Variants in DDX51 observed in about 807,000 individuals in gnomAD.
DDX51 encodes DEAD-box helicase 51.
Under a neutral mutation model 74.6 loss-of-function variants are expected in DDX51, and 67 were observed. The observed-to-expected ratio is 0.90, with a 90% confidence interval of 0.74 to 1.10. The LOEUF (loss-of-function observed/expected upper bound fraction) is 1.10. Ranked by LOEUF, DDX51 falls within the 50% of genes least tolerant of loss-of-function variation. The pLI, the probability that DDX51 is intolerant of heterozygous loss-of-function variation, is 0.00. For synonymous variants in DDX51, 545 were observed against 402.9 expected, an observed-to-expected ratio of 1.35 and a Z score of -4.22; for missense variants, 1,056 against 905.2, an observed-to-expected ratio of 1.17 and a Z score of -2.14.
Position 132,140,072 on chromosome 12 carries a change from C to G in DDX51, c.1775+26G>C, listed in dbSNP as rs545772582. On this transcript the variant is annotated intron_variant, in intron 12 of 14. Transcript: ENST00000397333. ...AGGAGCTCACAAAGCCCCAGACCCC[C>G]CAGTGGCCGCTGCGCCAGCGCTCAC... The G allele has an allele frequency of 1.2e-5, 20 of 1,609,684 alleles. No individual in the cohort carries two copies. The East Asian group carries it at 3.6e-4, about 29-fold the overall frequency.
chr12:132,140,006 C>G (rs1897384241), intron 12 of DDX51, 82 bp from the exon 13 acceptor site: 1 of 1,607,086 alleles, frequency 6.2e-7, no homozygotes. Flanking sequence ...TCCACACCAA[C>G]CCCACCCCAC....
In DDX51 at chr12:132,141,630, G is replaced by C. The variant is rs757796456; in HGVS notation, c.996-24C>G. 5 of 1,549,726 alleles carry C rather than the reference G, an allele frequency of 3.2e-6. No individual in the cohort carries two copies. The African/African-American group carries it at 6.9e-5, about 21-fold the overall frequency. Reference sequence around the variant, plus strand: ...CTCTACAGACCAGAGAGCAGCTCGAGAGAAGGAAGCTTTCTCAAGGGCTTC... The same window carrying C: ...CTCTACAGACCAGAGAGCAGCTCGACAGAAGGAAGCTTTCTCAAGGGCTTC... On this transcript the variant is annotated intron_variant, in intron 6 of 14. Transcript: ENST00000397333.
At chr12:132,142,657 G>A (rs1429276063) in intron 3 of DDX51, 71 bp downstream of exon 3, 10 of 1,578,972 alleles carry the variant, frequency 6.3e-6, no homozygotes, top group African/African-American at 5.4e-5. Context: ...CCTGACCCAC[G>A]GCCACTCACA....
Position 132,140,858 on chromosome 12 carries a change from C to T in DDX51, c.1413G>A (p.Gly471=), listed in dbSNP as rs1593419663. The T allele has an allele frequency of 1.2e-6, 2 of 1,613,606 alleles. No homozygotes were observed. The highest frequency in any genetic ancestry group is 1.7e-6 in the Non-Finnish European group (2 of 1,179,984). The change falls in exon 9 of 15, where the codon GGG becomes GGA. Residue 471 remains glycine, a synonymous_variant. Coordinates refer to ENST00000397333, the MANE Select transcript of DDX51 (RefSeq NM_175066.4). Reference sequence around the variant, plus strand: ...TGAGCCCAACAGGAAAGGCATACTTCCCCGAATCCCCGTCCCCATCTGTAT... The same window carrying T: ...TGAGCCCAACAGGAAAGGCATACTTTCCCGAATCCCCGTCCCCATCTGTAT... ...LEDTDGDGDS[G]KYAFPVGLTH... is the part of the protein sequence containing the mutation.
chr12:132,139,828 C>T, intron 13 of DDX51, 33 bp downstream of exon 13: 2 of 1,612,830 alleles, frequency 1.2e-6, no homozygotes, highest in Non-Finnish European at 8.5e-7. Context: ...CACCCACCAA[C>T]AGCAGAAACT....
chr12:132,140,243 G>C, intron 11 of DDX51, 44 bp from the exon 12 acceptor site: 4 of 1,595,642 alleles, frequency 2.5e-6, no homozygotes, highest in Non-Finnish European at 3.4e-6. Flanking sequence ...GCCAGGAGCA[G>C]GGGCCGTGGC....
chr12:132,141,730 C>T (rs1038009911), intron 6 of DDX51, 120 bp downstream of exon 6: 44 of 1,457,590 alleles, frequency 3.0e-5, no homozygotes, highest in Non-Finnish European at 3.9e-5. Flanking sequence ...GGGAGCTCCT[C>T]CTCTTCACGG....
Position 132,140,869 on chromosome 12 carries a change from C to A in DDX51, c.1402G>T (p.Gly468Trp). The change falls in exon 9 of 15, where the codon GGG becomes TGG. Residue 468 changes from glycine to tryptophan, a missense_variant. Coordinates refer to ENST00000397333, the MANE Select transcript of DDX51 (RefSeq NM_175066.4). ...GGAAAGGCATACTTCCCCGAATCCC[C>A]GTCCCCATCTGTATCTTCCAGGCCC... ...HRGLEDTDGD[G>W]DSGKYAFPVG... is the part of the protein sequence containing the mutation. 1.2e-6 allele frequency: 2 copies of A among 1,613,644 alleles called. No individual in the cohort carries two copies. The highest frequency in any genetic ancestry group is 1.7e-6 in the Non-Finnish European group (2 of 1,180,004).
At position 132,143,907 on chromosome 12, in the gene DDX51, T is replaced by C. The variant is rs1897589609; in HGVS notation, c.307A>G (p.Ser103Gly). The part of the protein sequence containing the change: ...KADGEDAGAE[S>G]NEEAPGEPSA... Reference sequence around the variant, plus strand: ...GGCTCCCCTGGCGCCTCCTCGTTGCTTTCTGCGAGGCAGACACCCACCCGG... The same window carrying C: ...GGCTCCCCTGGCGCCTCCTCGTTGCCTTCTGCGAGGCAGACACCCACCCGG... Residue 103 changes from serine (S) to glycine (G), a missense_variant and splice_region_variant, in exon 2 of 15, where the codon AGC (serine) becomes GGC (glycine). Physicochemically the swap from Ser to Gly is moderately conservative, Grantham distance 56 (BLOSUM62 0). Coordinates refer to ENST00000397333, the MANE Select transcript of DDX51 (RefSeq NM_175066.4). 6.6e-7 allele frequency: 1 copy of C among 1,517,360 alleles called. No homozygotes were observed. The highest frequency in any genetic ancestry group is 8.8e-7 in the Non-Finnish European group (1 of 1,140,290). The allele number at this position is 1,517,360 out of a possible 1,614,324, so 94.0% of individuals were successfully genotyped here.
chr12:132,143,532 AGGAT>A, intron 2 of DDX51, 159 bp downstream of exon 2: 1 of 901,174 alleles, frequency 1.1e-6, no homozygotes, highest in Non-Finnish European at 1.6e-6. Flanking sequence ...CTGCACGTGC[AGGAT>A]CCAGACCCCT....
rs752401213 is a variant in DDX51 at position 132,142,690 on chromosome 12, G to A, written c.670+38C>T. On this transcript the variant is annotated intron_variant, in intron 3 of 14. Coordinates refer to ENST00000397333, the MANE Select transcript of DDX51 (RefSeq NM_175066.4). ...ACAGCCTTGTGTGTGGGTGCCCAGG[G>A]AGGTGTTCCCTCAGCTGCCTGCCCG... 1.6e-5 allele frequency: 25 copies of A among 1,608,010 alleles called. No homozygotes were observed. In the Admixed American group the frequency reaches 2.7e-4, roughly 17 times the overall value.
chr12:132,137,406 T>C lies in DDX51; in HGVS notation c.*1866A>G, dbSNP rs528108861. 1 of 152,150 alleles carries C rather than the reference T, an allele frequency of 6.6e-6. No homozygotes were observed. Among genetic ancestry groups the C allele is most frequent in the Non-Finnish European group, 1.5e-5 (1 of 68,048 alleles). The allele number at this position is 152,150 out of a possible 1,614,324, so 9.4% of individuals were successfully genotyped here. A position where few individuals can be genotyped will look rare whatever the true frequency, so the allele number is the denominator to read the frequency against. On this transcript the variant is annotated 3_prime_UTR_variant, in exon 15 of 15. Transcript: ENST00000397333. Reference sequence around the variant, plus strand: ...GTTAGAAAGGGAGCTATTTTTGAGCTGCTTTTTGTTAAAAGGCAAATTTTC... The same window carrying C: ...GTTAGAAAGGGAGCTATTTTTGAGCCGCTTTTTGTTAAAAGGCAAATTTTC...
At position 132,142,370 on chromosome 12, in the gene DDX51, C is replaced by G; in HGVS notation, c.723G>C (p.Leu241=). 1 of 1,613,024 alleles carries G rather than the reference C, an allele frequency of 6.2e-7. No homozygotes were observed. Among genetic ancestry groups the G allele is most frequent in the Non-Finnish European group, 8.5e-7 (1 of 1,180,020 alleles). ...ALLESAACGF[L]VGRGGYRPSD... Reference sequence around the variant, plus strand: ...TAGGCCGGTAGCCACCTCTGCCCACCAGAAACCCACAGGCTGCGCTCTCCA... The same window carrying G: ...TAGGCCGGTAGCCACCTCTGCCCACGAGAAACCCACAGGCTGCGCTCTCCA... The change falls in exon 4 of 15, where the codon CTG becomes CTC. Residue 241 remains leucine (L), a synonymous_variant. Coordinates refer to ENST00000397333, the MANE Select transcript of DDX51 (RefSeq NM_175066.4).
chr12:132,137,636 T>C lies in DDX51; in HGVS notation c.*1636A>G, dbSNP rs967379315. The C allele has an allele frequency of 1.3e-5, 2 of 152,176 alleles. No homozygotes were observed. The highest frequency in any genetic ancestry group is 1.3e-4 in the Admixed American group (2 of 15,266). The allele number at this position is 152,176 out of a possible 1,614,324, so 9.4% of individuals were successfully genotyped here. A position where few individuals can be genotyped will look rare whatever the true frequency, so the allele number is the denominator to read the frequency against. On this transcript the variant is annotated 3_prime_UTR_variant, in exon 15 of 15. Coordinates refer to ENST00000397333, the MANE Select transcript of DDX51 (RefSeq NM_175066.4). ...TGAGTGGGGTGGGCTGGTGTTTCCA[T>C]CCTCACAACTCCAGTGAGCCGGGTG... is the stretch of plus-strand genomic sequence containing the variant.
rs779322936 is a variant in DDX51, at chr12:132,142,451, G to A, written c.671-29C>T. On this transcript the variant is annotated intron_variant, in intron 3 of 14. Coordinates refer to ENST00000397333, the MANE Select transcript of DDX51 (RefSeq NM_175066.4). ...GATGAGGAAAGGCGAGAGAGAAGTC[G>A]TGTTTACGCCTAGGCCTAGGCCTGC... is the stretch of plus-strand genomic sequence containing the variant. 20 of 1,606,048 alleles carry A rather than the reference G, an allele frequency of 1.2e-5. No homozygotes were observed. In the African/African-American group the frequency reaches 1.9e-4, roughly 15 times the overall value.
Position 132,139,299 on chromosome 12 carries a change from C to G in DDX51, c.1975-1G>C. On this transcript the variant is annotated splice_acceptor_variant, in intron 14 of 14. Coordinates refer to ENST00000397333, the MANE Select transcript of DDX51 (RefSeq NM_175066.4). LOFTEE classifies it high-confidence loss of function. ...AGGCCGCCCTCTGCTTGCGCTCTTCCTGTGGAGGAAAGGGGAGGGCTCAGC... is the reference window on the plus strand; with the variant it reads ...AGGCCGCCCTCTGCTTGCGCTCTTCGTGTGGAGGAAAGGGGAGGGCTCAGC... The G allele has an allele frequency of 1.2e-6, 2 of 1,608,670 alleles. No homozygotes were observed. Among genetic ancestry groups the G allele is most frequent in the South Asian group, 2.2e-5 (2 of 90,236 alleles).
At chr12:132,143,959 G>A (rs1350132836) in intron 1 of DDX51, 34 bp downstream of exon 1, 3 of 1,453,814 alleles carry the variant, frequency 2.1e-6, no homozygotes, top group Non-Finnish European at 1.8e-6. Context: ...AGTCGCCGGC[G>A]CCCCAGAGGG....
rs747051156 is a variant in DDX51 at position 132,142,867 on chromosome 12, G to A, written c.531C>T (p.Phe177=). 13 of 1,612,758 alleles carry A rather than the reference G, an allele frequency of 8.1e-6. No homozygotes were observed. Among genetic ancestry groups the A allele is most frequent in the South Asian group, 2.2e-5 (2 of 91,084 alleles). The part of the protein sequence containing the change: ...GKRKAPKVQP[F]LPRWLAEPNC... ...TAGGCTCAGCCAGCCACCTTGGCAG[G>A]AAAGGCTGGACCTGCCATCAAAAAG... Residue 177 remains phenylalanine, a synonymous_variant, in exon 3 of 15, where the codon TTC becomes TTT. Coordinates refer to ENST00000397333, the MANE Select transcript of DDX51 (RefSeq NM_175066.4).
chr12:132,142,000 A>C (rs908022011), intron 5 of DDX51, 44 bp from the exon 6 acceptor site: 47 of 1,609,280 alleles, frequency 2.9e-5, no homozygotes, highest in Non-Finnish European at 3.8e-5. Flanking sequence ...GCTGGTGTCC[A>C]CCTACTGCAG....
Sources: gnomAD v4.1 joint callset for allele counts on GRCh38, gnomAD v4.1.1 for gene constraint, MANE v1.5 for transcripts, NCBI Gene and HGNC (gene_info 2026-07-23, HGNC 2026-07-21) for gene names.